IL27RA: variants seen among roughly 807,000 people sequenced by gnomAD.
The protein encoded by IL27RA is interleukin 27 receptor subunit alpha.
A neutral mutation model predicts 80.8 loss-of-function variants in IL27RA; 61 were observed. The ratio of observed to expected loss-of-function variants is 0.76; its 90% CI spans 0.61 to 0.93. IL27RA has a LOEUF of 0.93. IL27RA is among the 40% of genes least tolerant of loss of function. IL27RA has a pLI of 0.00. For synonymous variants in IL27RA, 316 were observed against 332.5 expected, an observed-to-expected ratio of 0.95 and a Z score of 0.54; for missense variants, 735 against 808.1, an observed-to-expected ratio of 0.91 and a Z score of 1.10.
Position 14,046,448 on chromosome 19 carries a change from G to A in IL27RA, c.971G>A (p.Arg324His), listed in dbSNP as rs777893100. 1.7e-5 allele frequency: 28 copies of A among 1,613,988 alleles called. 1 individual carries two copies. Among genetic ancestry groups the A allele is most frequent in the Middle Eastern group, 1.6e-4 (1 of 6,084 alleles). ...LVCLDSASAP[R>H]SVAVSSIAGS... is the part of the protein sequence containing the mutation. ...CCTCCAGATTCAGCCTCTGCCCCCC[G>A]TAGCGTGGCAGTCAGCAGCATCGCT... The change falls in exon 8 of 14, where the codon CGT becomes CAT. Residue 324 changes from arginine to histidine, a missense_variant. Physicochemically the swap from Arg to His is conservative, Grantham distance 29 (BLOSUM62 0). Transcript: ENST00000263379.
At chr19:14,033,359 A>G (rs904579746) in intron 2 of IL27RA, among the ~76,000 whole-genome samples, 1 of 150,622 alleles carries the variant, frequency 6.6e-6, no homozygotes, top group African/African-American at 2.4e-5. Flanking sequence ...TCAGCCTCCC[A>G]AAGTTCTGGG....
rs763238631 is a variant in IL27RA at position 14,039,768 on chromosome 19, C to G, written c.392C>G (p.Pro131Arg). 1.2e-6 allele frequency: 2 copies of G among 1,613,940 alleles called. No homozygotes were observed. Among genetic ancestry groups the G allele is most frequent in the South Asian group, 1.1e-5 (1 of 91,052 alleles). The change falls in exon 4 of 14, where the codon CCC becomes CGC. Residue 131 changes from proline (P) to arginine (R), a missense_variant. Pro to Arg is a moderately radical substitution (Grantham distance 103, BLOSUM62 -2). Coordinates refer to ENST00000263379, the MANE Select transcript of IL27RA (RefSeq NM_004843.4). ...CCTTCCCCAGTGAAGCCAAACGCCC[C>G]CCGGCTGGGCCCTGACGTGGACTTT... The part of the protein sequence containing the change: ...NLETQMKPNA[P>R]RLGPDVDFSE...
At position 14,031,972 on chromosome 19, in the gene IL27RA, G is replaced by A; in HGVS notation, c.100G>A (p.Gly34Ser). The change falls in exon 1 of 14, where the codon GGC becomes AGC. Residue 34 changes from glycine to serine, a missense_variant and splice_region_variant. Gly to Ser is a moderately conservative substitution (Grantham distance 56, BLOSUM62 0). Coordinates refer to ENST00000263379, the MANE Select transcript of IL27RA (RefSeq NM_004843.4). Reference sequence around the variant, plus strand: ...GCTTTTCCAGCGGACGCGTCCCCAGGGTGAGTGCTGGAGGGAGCTCGTGTC... The same window carrying A: ...GCTTTTCCAGCGGACGCGTCCCCAGAGTGAGTGCTGGAGGGAGCTCGTGTC... ...WVLFQRTRPQ[G>S]SAGPLQCYGV... 2 of 1,607,830 alleles carry A rather than the reference G, an allele frequency of 1.2e-6. No individual in the cohort carries two copies. Among genetic ancestry groups the A allele is most frequent in the South Asian group, 2.2e-5 (2 of 90,228 alleles).
At chr19:14,032,273 C>T (rs1008031173) in intron 1 of IL27RA, 113 bp from the exon 2 acceptor site, 2 of 847,950 alleles carry the variant, frequency 2.4e-6, no homozygotes, top group Admixed American at 2.2e-5. Flanking sequence ...TCCTGCTGCT[C>T]ATTTCCCTAA....
At chr19:14,042,936 G>C (rs1216572730) in intron 6 of IL27RA, 147 bp downstream of exon 6, 2 of 702,616 alleles carry the variant, frequency 2.8e-6, no homozygotes, top group Non-Finnish European at 5.0e-6. Context: ...GAGGTCAGCA[G>C]TTGGAGACCA....
intron 11 of IL27RA, among the ~76,000 whole-genome samples, 191 bp from the exon 12 acceptor site, chr19:14,051,416 G>C (rs549155305): frequency 3.3e-5 from 5 of 151,230 alleles, no homozygotes; most frequent in African/African-American, 1.2e-4. Context: ...GTGGTGGCGT[G>C]CGGCTGTAAT....
intron 4 of IL27RA, among the ~76,000 whole-genome samples, chr19:14,041,687 G>A (rs997016407): frequency 2.0e-5 from 3 of 152,032 alleles, no homozygotes; most frequent in African/African-American, 4.8e-5. Flanking sequence ...CTGTCTGCTC[G>A]GGACTGTGGC....
chr19:14,045,428 C>T (rs56078306), intron 6 of IL27RA, among the ~76,000 whole-genome samples: 2,857 of 151,066 alleles, frequency 0.019, 34 homozygotes, highest in Non-Finnish European at 0.031. Context: ...TGTGAAACCC[C>T]GTCTCTACTA....
intron 8 of IL27RA, 45 bp from the exon 9 acceptor site, chr19:14,048,936 G>T: frequency 6.5e-7 from 1 of 1,535,326 alleles, no homozygotes; most frequent in Non-Finnish European, 9.0e-7. Context: ...ATGAGCATGG[G>T]AAGGAGAGCC....
Position 14,031,792 on chromosome 19 carries a change from G to A in IL27RA, c.-81G>A, listed in dbSNP as rs1599543989. ...GCTTCCCGTTGCCGCCTCGGGCGCTGTACCCAGAGCTCGAAGAGGAGCAGC... is the reference window on the plus strand; with the variant it reads ...GCTTCCCGTTGCCGCCTCGGGCGCTATACCCAGAGCTCGAAGAGGAGCAGC... On this transcript the variant is annotated 5_prime_UTR_variant, in exon 1 of 14. Coordinates refer to ENST00000263379, the MANE Select transcript of IL27RA (RefSeq NM_004843.4). The A allele has an allele frequency of 4.9e-6, 6 of 1,228,238 alleles. No homozygotes were observed. Among genetic ancestry groups the A allele is most frequent in the Non-Finnish European group, 6.7e-6 (6 of 888,936 alleles). 76.1% of individuals were successfully genotyped at this position (1,228,238 alleles called of 1,614,324 possible).
At chr19:14,051,491 G>T in intron 11 of IL27RA, 116 bp from the exon 12 acceptor site, 1 of 442,708 alleles carries the variant, frequency 2.3e-6, no homozygotes, top group East Asian at 3.7e-5. Flanking sequence ...GCAGTGAGCT[G>T]AGGTCGCACC....
chr19:14,050,662 C>A, intron 10 of IL27RA, 96 bp from the exon 11 acceptor site: 1 of 1,333,580 alleles, frequency 7.5e-7, no homozygotes, highest in Non-Finnish European at 1.0e-6. Flanking sequence ...CATGTGGATA[C>A]CTGGGAGAGA....
chr19:14,035,014 A>G (rs1279083012), intron 2 of IL27RA, among the ~76,000 whole-genome samples: 1 of 151,808 alleles, frequency 6.6e-6, no homozygotes, highest in Non-Finnish European at 1.5e-5. Flanking sequence ...TTGTTTTGGG[A>G]ACAGGGTCTT....
chr19:14,051,041 G>T (rs947015088), intron 11 of IL27RA, among the ~76,000 whole-genome samples, 158 bp downstream of exon 11: 1 of 152,090 alleles, frequency 6.6e-6, no homozygotes, highest in Admixed American at 6.6e-5. Flanking sequence ...TTGAGCCCAG[G>T]AGCTCGAGAC....
chr19:14,048,706 T>G (rs773646746), intron 8 of IL27RA, among the ~76,000 whole-genome samples: 1 of 152,292 alleles, frequency 6.6e-6, no homozygotes, highest in Non-Finnish European at 1.5e-5. Flanking sequence ...TCCGTCCCCC[T>G]GAGCTGGGCT....
chr19:14,039,303 T>G (rs1975952350), intron 2 of IL27RA, among the ~76,000 whole-genome samples: 1 of 151,784 alleles, frequency 6.6e-6, no homozygotes, highest in Non-Finnish European at 1.5e-5. Flanking sequence ...GAGCAGTTAC[T>G]TTTATTACCC....
intron 2 of IL27RA, among the ~76,000 whole-genome samples, chr19:14,034,675 C>CG: frequency 6.8e-6 from 1 of 146,704 alleles, no homozygotes; most frequent in African/African-American, 2.6e-5. Context: ...AAAAAAAGGC[C>CG]GGGCGCGGTG....
At chr19:14,031,999 C>T (rs747683936) in intron 1 of IL27RA, 27 bp downstream of exon 1, 22 of 1,568,708 alleles carry the variant, frequency 1.4e-5, no homozygotes, top group Non-Finnish European at 1.3e-5. Flanking sequence ...GCTCGTGTCC[C>T]GGGCGCTGCC....
chr19:14,036,638 A>G (rs1002120847), intron 2 of IL27RA, among the ~76,000 whole-genome samples: 5 of 150,114 alleles, frequency 3.3e-5, no homozygotes, highest in African/African-American at 1.2e-4. Flanking sequence ...ATAGGTGCGC[A>G]TCTCCACATC....
Sources: gnomAD v4.1 joint callset for allele counts (sites outside exome capture counted in the v4.1 genomes callset) on GRCh38, gnomAD v4.1.1 for gene constraint, MANE v1.5 for transcripts, NCBI Gene and HGNC (gene_info 2026-07-23, HGNC 2026-07-21) for gene names.